Variants in RGS6 observed in about 807,000 individuals in gnomAD.
The protein encoded by RGS6 is regulator of G-protein signaling 6.
In RGS6, 30 loss-of-function variants were observed where a neutral mutation model predicts 78.5. That is an observed-to-expected ratio of 0.38 (90% CI 0.29 to 0.52). RGS6 has a LOEUF of 0.52. Among genes scored for constraint, RGS6 ranks in the 20% least tolerant of loss-of-function variants. The probability of loss-of-function intolerance (pLI) is 0.85; values close to 1 mark genes in which losing one functional copy is unlikely to be tolerated. For missense variants in RGS6, 495 were observed against 609.7 expected, an observed-to-expected ratio of 0.81 and a Z score of 1.98; for synonymous variants, 206 against 206.0, an observed-to-expected ratio of 1.00 and a Z score of 0.00.
chr14:72,142,618 C>T (rs1280151757), intron 2 of RGS6, among the ~76,000 whole-genome samples: 2 of 152,180 alleles, frequency 1.3e-5, no homozygotes, highest in African/African-American at 4.8e-5. Flanking sequence ...GAGGCATCAG[C>T]TGATGGTCAG....
intron 2 of RGS6, among the ~76,000 whole-genome samples, chr14:72,125,167 C>T (rs2096157522): frequency 6.6e-6 from 1 of 152,138 alleles, no homozygotes; most frequent in South Asian, 2.1e-4. Flanking sequence ...TGAGTCACTC[C>T]TAGCACCTCA....
At chr14:71,867,798 C>A in the RGS6 span, among the ~76,000 whole-genome samples, 1 of 152,010 alleles carries the variant, frequency 6.6e-6, no homozygotes. Flanking sequence ...GATTATGGGC[C>A]TTTTTGGGTT....
intron 17 of RGS6, among the ~76,000 whole-genome samples, chr14:72,551,087 A>G (rs1166059841): frequency 6.6e-6 from 1 of 152,080 alleles, no homozygotes; most frequent in Non-Finnish European, 1.5e-5. Context: ...TGATCTGCAC[A>G]CCTCGGCCTC....
chr14:72,587,378 G>A, the RGS6 span, among the ~76,000 whole-genome samples: 12 of 152,062 alleles, frequency 7.9e-5, no homozygotes, highest in Non-Finnish European at 1.5e-4. Flanking sequence ...GTTGCTGGGG[G>A]AAGCTGTGAC....
chr14:71,984,378 C>T (rs111931172), intron 2 of RGS6, among the ~76,000 whole-genome samples: 3,898 of 144,336 alleles, frequency 0.027, 142 homozygotes, highest in African/African-American at 0.092. Flanking sequence ...GGTGTGGTGG[C>T]TTGCATCTGT....
chr14:72,040,345 A>T (rs1596464094), intron 2 of RGS6, among the ~76,000 whole-genome samples: 1 of 144,128 alleles, frequency 6.9e-6, no homozygotes, highest in Non-Finnish European at 1.5e-5. Context: ...GCCTTTGTTT[A>T]TTTCTCCTTC....
At chr14:72,246,899 C>T (rs1010041677) in intron 2 of RGS6, among the ~76,000 whole-genome samples, 1 of 73,694 alleles carries the variant, frequency 1.4e-5, no homozygotes, top group African/African-American at 5.2e-5. Flanking sequence ...GAGCAAGACT[C>T]CATCTCAAAA....
intron 2 of RGS6, among the ~76,000 whole-genome samples, chr14:72,101,423 G>T (rs1337011735): frequency 6.6e-6 from 1 of 152,140 alleles, no homozygotes; most frequent in Non-Finnish European, 1.5e-5. Flanking sequence ...CACAGAATAG[G>T]TGCTCAATAG....
At chr14:72,523,420 A>G (rs2097076902) in intron 15 of RGS6, among the ~76,000 whole-genome samples, 1 of 152,146 alleles carries the variant, frequency 6.6e-6, no homozygotes, top group African/African-American at 2.4e-5. Flanking sequence ...TCAGCTGGTC[A>G]TGATGGTTCT....
the RGS6 span, among the ~76,000 whole-genome samples, chr14:71,882,643 G>A: frequency 2.0e-4 from 30 of 152,280 alleles, no homozygotes; most frequent in Non-Finnish European, 4.1e-4. Context: ...ATGACTGATA[G>A]CATTACAATG....
intron 2 of RGS6, among the ~76,000 whole-genome samples, chr14:72,252,153 A>C (rs2055962413): frequency 6.6e-6 from 1 of 152,234 alleles, no homozygotes; most frequent in African/African-American, 2.4e-5. Flanking sequence ...GGGTTAAGGA[A>C]TGCAAATCTG....
chr14:72,244,830 T>C (rs1005669393), intron 2 of RGS6, among the ~76,000 whole-genome samples: 1 of 2,066 alleles, frequency 4.8e-4, no homozygotes, highest in Non-Finnish European at 1.8e-3. Context: ...AAATTGGTCT[T>C]TTTTTTTTTT....
At chr14:72,614,982 C>T in the RGS6 span, among the ~76,000 whole-genome samples, 1 of 148,364 alleles carries the variant, frequency 6.7e-6, no homozygotes, top group Non-Finnish European at 1.5e-5. Context: ...CTAAAAGGGA[C>T]ACCAAGTCAC....
At chr14:72,538,064 A>T (rs1043183841) in intron 16 of RGS6, among the ~76,000 whole-genome samples, 47 of 152,354 alleles carry the variant, frequency 3.1e-4, no homozygotes, top group African/African-American at 9.4e-4. Context: ...GCCCTTGCAG[A>T]TACCAACAAC....
chr14:71,867,973 C>G, the RGS6 span, among the ~76,000 whole-genome samples: 1 of 152,152 alleles, frequency 6.6e-6, no homozygotes, highest in African/African-American at 2.4e-5. Context: ...GAAAGTGAGT[C>G]TCACATCCAT....
intron 2 of RGS6, among the ~76,000 whole-genome samples, chr14:72,295,488 G>T (rs1219151291): frequency 2.6e-5 from 4 of 151,978 alleles, no homozygotes; most frequent in Non-Finnish European, 5.9e-5. Context: ...TGGAGCCACT[G>T]ATCTCATCAC....
At chr14:72,453,047 T>A (rs1378117888) in intron 3 of RGS6, among the ~76,000 whole-genome samples, 1 of 152,192 alleles carries the variant, frequency 6.6e-6, no homozygotes, top group African/African-American at 2.4e-5. Flanking sequence ...GCCGCAGGAC[T>A]GTCTGAATAG....
At chr14:72,111,190 T>A (rs1180489863) in intron 2 of RGS6, among the ~76,000 whole-genome samples, 1 of 152,212 alleles carries the variant, frequency 6.6e-6, no homozygotes, top group Non-Finnish European at 1.5e-5. Flanking sequence ...GGAGTAACAT[T>A]TTCTTTTCCA....
At chr14:72,443,249 C>G (rs1026005610) in intron 3 of RGS6, among the ~76,000 whole-genome samples, 1 of 152,202 alleles carries the variant, frequency 6.6e-6, no homozygotes, top group Non-Finnish European at 1.5e-5. Flanking sequence ...GAGGTAGACT[C>G]TAGGGCTGGC....
Sources: allele counts gnomAD v4.1 joint callset (sites outside exome capture counted in the v4.1 genomes callset), GRCh38; gene constraint gnomAD v4.1.1; transcripts MANE v1.5; gene names NCBI Gene and HGNC (gene_info 2026-07-23, HGNC 2026-07-21).